The following ANXA6 variants were observed in gnomAD, a reference collection of about 807,000 sequenced individuals.
ANXA6 encodes the protein 67 kDa calelectrin.
A neutral mutation model predicts 95.4 loss-of-function variants in ANXA6; 71 were observed. That is an observed-to-expected ratio of 0.74 (90% confidence interval 0.61 to 0.91). The LOEUF is 0.91. Ranked by LOEUF, ANXA6 falls within the 40% of genes least tolerant of loss-of-function variation. The pLI is 0.00. For synonymous variants in ANXA6, 289 were observed against 315.9 expected (o/e 0.91, Z 0.90); for missense variants, 830 against 876.4 (o/e 0.95, Z 0.67).
chr5:151,134,482 C>T lies in ANXA6; in HGVS notation c.491G>A (p.Gly164Glu). The T allele has an allele frequency of 6.2e-7, 1 of 1,613,924 alleles. No individual in the cohort carries two copies. Among genetic ancestry groups the T allele is most frequent in the Non-Finnish European group, 8.5e-7 (1 of 1,179,826 alleles). The change falls in exon 8 of 26, where the codon GGA (glycine) becomes GAA (glutamate). Residue 164 changes from glycine (G) to glutamate (E), a missense_variant and splice_region_variant. Physicochemically the swap from Gly to Glu is moderately conservative, Grantham distance 98. Transcript: ENST00000354546. ...FQKMLVVLLQ[G>E]TREEDDVVSE... ...CACTACGTCATCCTCCTCCCTGGTTCCCTGGGCAGAAAGACAAAGAACATG... is the reference window on the plus strand; with the variant it reads ...CACTACGTCATCCTCCTCCCTGGTTTCCTGGGCAGAAAGACAAAGAACATG...
chr5:151,131,082 A>T, intron 11 of ANXA6, 149 bp downstream of exon 11: 1 of 745,740 alleles, frequency 1.3e-6, no homozygotes, highest in Non-Finnish European at 2.2e-6. Context: ...TCCTGGCTCT[A>T]CAGCTCACCT....
Position 151,140,216 on chromosome 5 carries a change from C to A in ANXA6, c.46G>T (p.Asp16Tyr). ...QGAKYRGSIH[D>Y]FPGFDPNQDA... ...TGGTTGGGGTCAAAGCCTGGGAAGT[C>A]ATGGATGGAGCCCCGGTACTTGGCA... The change falls in exon 3 of 26, where the codon GAC becomes TAC. Residue 16 changes from aspartate (D) to tyrosine (Y), a missense_variant. Transcript: ENST00000354546. 6.2e-7 allele frequency: 1 copy of A among 1,613,904 alleles called. No homozygotes were observed. The highest frequency in any genetic ancestry group is 8.5e-7 in the Non-Finnish European group (1 of 1,179,862).
intron 7 of ANXA6, among the ~76,000 whole-genome samples, chr5:151,135,710 A>G (rs1182882171): frequency 6.6e-6 from 1 of 152,250 alleles, no homozygotes; most frequent in Non-Finnish European, 1.5e-5. Flanking sequence ...CTTTCAATAC[A>G]TTAAAATAAT....
intron 14 of ANXA6, among the ~76,000 whole-genome samples, chr5:151,124,733 C>T (rs189912230): frequency 4.6e-4 from 70 of 152,332 alleles, no homozygotes; most frequent in African/African-American, 1.6e-3. Flanking sequence ...CTGAATCCTA[C>T]CCTGCCCCCG....
chr5:151,115,273 T>C (rs1764965661), intron 20 of ANXA6, among the ~76,000 whole-genome samples: 1 of 152,230 alleles, frequency 6.6e-6, no homozygotes, highest in African/African-American at 2.4e-5. Context: ...TATTAGGTTA[T>C]GGAGTCTTTT....
chr5:151,115,164 T>C (rs1427734781), intron 20 of ANXA6, among the ~76,000 whole-genome samples: 1 of 152,220 alleles, frequency 6.6e-6, no homozygotes, highest in Non-Finnish European at 1.5e-5. Flanking sequence ...ATTCACATAG[T>C]ATTAATTTTT....
rs2113938893 is a variant in ANXA6 at position 151,136,279 on chromosome 5, T to TCTGGAAGTG, written c.457_465dup (p.His153_Gln155dup). 1.2e-6 allele frequency: 2 copies of TCTGGAAGTG among 1,613,924 alleles called. No individual in the cohort carries two copies. The highest frequency in any genetic ancestry group is 4.5e-5 in the East Asian group (2 of 44,886). On this transcript the variant is annotated inframe_insertion, in exon 7 of 26. Transcript: ENST00000354546. ...ACCTGGAGCAGGACCACAAGCATCT[T>TCTGGAAGTG]CTGGAAGTGGCCAGAGGTGTCGCCG...
At chr5:151,147,808 C>T (rs916887051) in intron 2 of ANXA6, 76 bp downstream of exon 2, 16 of 1,499,466 alleles carry the variant, frequency 1.1e-5, no homozygotes, top group Non-Finnish European at 1.1e-5. Flanking sequence ...GTCTCTGTAG[C>T]AGGCCTAGTG....
At chr5:151,150,020 G>A (rs1335005226) in intron 1 of ANXA6, among the ~76,000 whole-genome samples, 2 of 151,852 alleles carry the variant, frequency 1.3e-5, no homozygotes, top group Admixed American at 6.5e-5. Flanking sequence ...TCAGGAGGCC[G>A]AGGCAGGTGA....
At chr5:151,138,909 A>C (rs1765746070) in intron 4 of ANXA6, 118 bp from the exon 5 acceptor site, 3 of 730,470 alleles carry the variant, frequency 4.1e-6, no homozygotes, top group Non-Finnish European at 2.4e-6. Context: ...AATCTCATTA[A>C]ATCATCACCC....
intron 1 of ANXA6, among the ~76,000 whole-genome samples, chr5:151,152,363 T>C (rs1766128416): frequency 6.6e-6 from 1 of 152,196 alleles, no homozygotes; most frequent in Non-Finnish European, 1.5e-5. Context: ...GGCATTAGAA[T>C]CAATGCAGGA....
At chr5:151,119,751 G>T (rs981470095) in intron 17 of ANXA6, among the ~76,000 whole-genome samples, 28 of 152,198 alleles carry the variant, frequency 1.8e-4, no homozygotes, top group African/African-American at 6.5e-4. Context: ...TAGCAGTTTG[G>T]TCTCTGTGTG....
At position 151,126,412 on chromosome 5, in the gene ANXA6, G is replaced by A. The variant is rs765247642; in HGVS notation, c.1046C>T (p.Ala349Val). The change falls in exon 14 of 26, where the codon GCC (alanine) becomes GTC (valine). Residue 349 changes from alanine (A) to valine (V), a missense_variant. Transcript: ENST00000354546. ...AYQMWELSAV[A>V]RVELKGTVRP... ...AGGGGAAGGTCTGACCTCTACTCGGGCCACTGCACTAAGTTCCCACATCTG... is the reference window on the plus strand; with the variant it reads ...AGGGGAAGGTCTGACCTCTACTCGGACCACTGCACTAAGTTCCCACATCTG... 8 of 1,609,334 alleles carry A rather than the reference G, an allele frequency of 5.0e-6. No homozygotes were observed. The African/African-American group carries it at 1.1e-4, about 22-fold the overall frequency.
chr5:151,114,613 T>TAAAAAAAAAAAAAAA (rs61407672), intron 20 of ANXA6, among the ~76,000 whole-genome samples: 14 of 70,316 alleles, frequency 2.0e-4, no homozygotes, highest in East Asian at 1.5e-3. Flanking sequence ...GACTCCGTCT[T>TAAAAAAAAAAAAAAA]AAAAAAAAAA....
At chr5:151,135,746 T>A (rs1421086901) in intron 7 of ANXA6, among the ~76,000 whole-genome samples, 1 of 152,232 alleles carries the variant, frequency 6.6e-6, no homozygotes, top group Non-Finnish European at 1.5e-5. Flanking sequence ...TTGAGCAAAA[T>A]CTCACAATTT....
intron 14 of ANXA6, among the ~76,000 whole-genome samples, chr5:151,125,341 C>CAAAAAAAAAAA (rs34691391): frequency 8.5e-6 from 1 of 118,242 alleles, no homozygotes; most frequent in Non-Finnish European, 1.7e-5. Flanking sequence ...GACCCTGTCT[C>CAAAAAAAAAAA]AAAAAAAAAA....
intron 2 of ANXA6, 26 bp downstream of exon 2, chr5:151,147,858 A>T (rs760175661): frequency 1.3e-6 from 2 of 1,590,966 alleles, no homozygotes; most frequent in South Asian, 2.3e-5. Flanking sequence ...GCTGAGTACC[A>T]CCTTCAGGAA....
chr5:151,134,428 T>C lies in ANXA6; in HGVS notation c.545A>G (p.Gln182Arg). Residue 182 changes from glutamine (Q) to arginine (R), a missense_variant and splice_region_variant, in exon 8 of 26, where the codon CAG (glutamine) becomes CGG (arginine). Transcript: ENST00000354546. ...GGACTTTCAGTGGTGCTTGTTTACCTGGACATCCTGTTGTACCAGGTCCTC... is the reference window on the plus strand; with the variant it reads ...GGACTTTCAGTGGTGCTTGTTTACCCGGACATCCTGTTGTACCAGGTCCTC... The part of the protein sequence containing the change: ...VSEDLVQQDV[Q>R]DLYEAGELKW... 1.9e-6 allele frequency: 3 copies of C among 1,613,978 alleles called. No homozygotes were observed. Among genetic ancestry groups the C allele is most frequent in the Non-Finnish European group, 2.5e-6 (3 of 1,179,882 alleles).
chr5:151,142,104 T>C (rs1349296505), intron 2 of ANXA6, among the ~76,000 whole-genome samples: 1 of 152,202 alleles, frequency 6.6e-6, no homozygotes, highest in Admixed American at 6.5e-5. Context: ...TTCTAAATCC[T>C]TTTCTCTTTC....
Sources: allele counts gnomAD v4.1 joint callset (sites outside exome capture counted in the v4.1 genomes callset), GRCh38; gene constraint gnomAD v4.1.1; transcripts MANE v1.5; gene names NCBI Gene and HGNC (gene_info 2026-07-23, HGNC 2026-07-21).